Variants in MLIP observed in about 807,000 individuals in gnomAD.
MLIP encodes the protein muscular LMNA-interacting protein.
In MLIP, 79 loss-of-function variants were observed where a neutral mutation model predicts 84.8. The ratio of observed to expected loss-of-function variants is 0.93; its 90% CI spans 0.78 to 1.12. The LOEUF (loss-of-function observed/expected upper bound fraction) is 1.12, where lower values mean the gene tolerates loss of function less well. Ranked by LOEUF, MLIP falls within the 50% of genes most tolerant of loss-of-function variation. The probability of loss-of-function intolerance (pLI) is 0.00; values close to 1 mark genes in which losing one functional copy is unlikely to be tolerated. For missense variants in MLIP, 1,257 were observed against 1,160.6 expected, an observed-to-expected ratio of 1.08 and a Z score of -1.21; for synonymous variants, 504 against 463.0, an observed-to-expected ratio of 1.09 and a Z score of -1.14.
At chr6:54,073,651 G>A (rs1766620426) in intron 1 of MLIP, among the ~76,000 whole-genome samples, 1 of 152,138 alleles carries the variant, frequency 6.6e-6, no homozygotes, top group Admixed American at 6.5e-5. Context: ...TCTGAGGTGA[G>A]GCCTGAGAAT....
At chr6:54,249,437 A>G (rs1007366503) in intron 12 of MLIP, among the ~76,000 whole-genome samples, 2 of 152,064 alleles carry the variant, frequency 1.3e-5, no homozygotes, top group African/African-American at 4.8e-5. Context: ...TTGGCCTAAT[A>G]CAGATTAAAT....
At chr6:54,160,890 A>G (rs1310058476) in intron 8 of MLIP, 91 bp downstream of exon 8, 2 of 1,055,272 alleles carry the variant, frequency 1.9e-6, no homozygotes, top group Non-Finnish European at 2.8e-6. Flanking sequence ...TAGTGAATTG[A>G]GAAATAAATT....
At chr6:54,155,206 T>A (rs922820114) in intron 5 of MLIP, among the ~76,000 whole-genome samples, 3 of 152,132 alleles carry the variant, frequency 2.0e-5, no homozygotes, top group Non-Finnish European at 4.4e-5. Context: ...CAGTGTACTT[T>A]TTTTCCTTTT....
intron 9 of MLIP, among the ~76,000 whole-genome samples, chr6:54,182,398 G>A (rs1180680895): frequency 6.6e-6 from 1 of 152,122 alleles, no homozygotes; most frequent in African/African-American, 2.4e-5. Context: ...TAGGGGGAAG[G>A]GTGACATTAA....
chr6:54,130,965 ACT>A (rs1771324328), intron 3 of MLIP, among the ~76,000 whole-genome samples: 1 of 152,178 alleles, frequency 6.6e-6, no homozygotes, highest in African/African-American at 2.4e-5. Context: ...GAAGAGTCAA[ACT>A]CTGAAAAGAA....
intron 1 of MLIP, among the ~76,000 whole-genome samples, chr6:54,117,757 T>C (rs142199445): frequency 0.011 from 1,679 of 151,218 alleles, 37 homozygotes; most frequent in African/African-American, 0.038. Flanking sequence ...CCATCCTGGC[T>C]AACATGGTGA....
At chr6:54,177,837 A>G (rs953883596) in intron 9 of MLIP, among the ~76,000 whole-genome samples, 7 of 152,334 alleles carry the variant, frequency 4.6e-5, no homozygotes, top group African/African-American at 1.7e-4. Context: ...AATGTGGTAC[A>G]TATACACCAT....
chr6:54,103,424 C>A (rs1239262512), intron 1 of MLIP, among the ~76,000 whole-genome samples: 3 of 152,052 alleles, frequency 2.0e-5, no homozygotes, highest in African/African-American at 2.4e-5. Flanking sequence ...TCAGTTTGTG[C>A]GATAAATTCT....
intron 9 of MLIP, among the ~76,000 whole-genome samples, chr6:54,173,611 G>T (rs984504062): frequency 1.3e-5 from 2 of 151,686 alleles, no homozygotes. Context: ...TGGGTACATA[G>T]TAGGTATGTA....
rs1008868715 is a variant in MLIP, at chr6:54,236,550, C to T, written c.2922+5633C>T. The stretch of plus-strand genomic sequence containing the variant: ...CCCGGAGGCGGAGGTTGCAGTGAGC[C>T]GAGATCACTCCATTATACTCCAGCC... On this transcript the variant is annotated intron_variant, in intron 12 of 13. Coordinates refer to ENST00000502396, the MANE Select transcript of MLIP (RefSeq NM_001281747.2). Among the ~76,000 whole-genome samples, 5 of 151,146 alleles carry T rather than the reference C, an allele frequency of 3.3e-5. No homozygotes were observed. In the South Asian group the frequency reaches 6.2e-4, roughly 19 times the overall value.
chr6:54,160,904 T>C (rs917686515), intron 8 of MLIP, 105 bp downstream of exon 8: 5 of 859,744 alleles, frequency 5.8e-6, no homozygotes, highest in African/African-American at 1.7e-5. Flanking sequence ...ATAAATTTAG[T>C]GAATAGCAAT....
intron 11 of MLIP, among the ~76,000 whole-genome samples, chr6:54,219,079 G>A (rs890843352): frequency 8.2e-4 from 124 of 151,578 alleles, no homozygotes; most frequent in Non-Finnish European, 8.3e-4. Context: ...GGTGGCGGGC[G>A]CCTGTAGTCC....
At chr6:54,186,302 A>G (rs924364630) in intron 9 of MLIP, among the ~76,000 whole-genome samples, 11 of 152,236 alleles carry the variant, frequency 7.2e-5, no homozygotes, top group African/African-American at 2.7e-4. Context: ...TATTTTAGCC[A>G]AGCATATTTA....
chr6:54,176,860 A>T (rs1226708293), intron 9 of MLIP, among the ~76,000 whole-genome samples: 1 of 152,154 alleles, frequency 6.6e-6, no homozygotes, highest in Non-Finnish European at 1.5e-5. Flanking sequence ...AGACACATAG[A>T]CCAATGGAAC....
intron 2 of MLIP, among the ~76,000 whole-genome samples, chr6:54,123,041 C>T (rs1162719495): frequency 4.6e-5 from 7 of 151,990 alleles, no homozygotes; most frequent in African/African-American, 1.7e-4. Context: ...ACTCCATTCT[C>T]CTGCCTCAGC....
At position 54,164,127 on chromosome 6, in the gene MLIP, T is replaced by C. The variant is rs78692265; in HGVS notation, c.2499+3328T>C. Among the ~76,000 whole-genome samples the C allele has an allele frequency of 1.5e-3, 230 of 152,074 alleles. 2 individuals carry two copies. The highest frequency in any genetic ancestry group is 5.3e-3 in the African/African-American group (219 of 41,546). ...ATATTTTTTATGGTGTATTTAGGTA[T>C]GCATTTTTTTCTTACATATTTTGAT... is the stretch of plus-strand genomic sequence containing the variant. On this transcript the variant is annotated intron_variant, in intron 8 of 13. Coordinates refer to ENST00000502396, the MANE Select transcript of MLIP (RefSeq NM_001281747.2).
chr6:54,060,319 A>ATAGAAAGTTATG (rs1214375587), intron 1 of MLIP, among the ~76,000 whole-genome samples: 1 of 152,228 alleles, frequency 6.6e-6, no homozygotes, highest in Non-Finnish European at 1.5e-5. Flanking sequence ...TTATTTTAGC[A>ATAGAAAGTTATG]ACACTTTCTT....
At chr6:54,259,580 ACCAATT>A (rs767372611) in intron 13 of MLIP, among the ~76,000 whole-genome samples, 2 of 151,902 alleles carry the variant, frequency 1.3e-5, no homozygotes, top group Non-Finnish European at 2.9e-5. Flanking sequence ...ATTTTTTCAC[ACCAATT>A]ATCACAACCC....
chr6:54,058,837 G>A (rs1409109643), intron 1 of MLIP: 2 of 152,086 alleles, frequency 1.3e-5, no homozygotes, highest in Non-Finnish European at 2.9e-5. Flanking sequence ...TTAGTTGGGG[G>A]TAGAAACCAA....
Sources: allele counts gnomAD v4.1 joint callset (sites outside exome capture counted in the v4.1 genomes callset), GRCh38; gene constraint gnomAD v4.1.1; transcripts MANE v1.5; gene names NCBI Gene and HGNC (gene_info 2026-07-23, HGNC 2026-07-21).